Variants in SPTB observed in about 807,000 individuals in gnomAD.
SPTB encodes the protein spectrin beta chain, erythrocytic.
Under a neutral mutation model 256.2 loss-of-function variants are expected in SPTB, and 45 were observed. That is an observed-to-expected ratio of 0.18 (90% confidence interval 0.14 to 0.23). The LOEUF is 0.23. Ranked by LOEUF, SPTB falls within the 10% of genes least tolerant of loss-of-function variation. The pLI is 1.00. For missense variants in SPTB, 2,715 were observed against 3,040.4 expected, an observed-to-expected ratio of 0.89 and a Z score of 2.52; for synonymous variants, 1,231 against 1,243.1, an observed-to-expected ratio of 0.99 and a Z score of 0.21.
At position 64,747,018 on chromosome 14, in the gene SPTB, G is replaced by A. The variant is rs1244993616; in HGVS notation, c.*2288C>T. 6.5e-6 allele frequency: 1 copy of A among 152,802 alleles called. No homozygotes were observed. The highest frequency in any genetic ancestry group is 1.9e-4 in the East Asian group (1 of 5,192). The allele number at this position is 152,802 out of a possible 1,614,324, so 9.5% of individuals were successfully genotyped here. On this transcript the variant is annotated 3_prime_UTR_variant, in exon 36 of 36. Transcript: ENST00000644917. ...TGGTCGAATGTCTTGGAGCCTGGGT[G>A]ACAGGAGGGATGTGTGGGGAGCTGG...
In SPTB at chr14:64,779,378, G is replaced by A; in HGVS notation, c.4474-132C>T. On this transcript the variant is annotated intron_variant, in intron 21 of 35. Transcript: ENST00000644917. The surrounding 1 kb of genome is among the most constrained non-coding windows in gnomAD (Gnocchi z 4.2). ...CCTCCCAACACCCCATCAGGGTTTT[G>A]CCCCCATTTTATAGGTTAGAATATT... The A allele has an allele frequency of 1.3e-6, 1 of 797,178 alleles. No homozygotes were observed. Among genetic ancestry groups the A allele is most frequent in the East Asian group, 2.7e-5 (1 of 37,310 alleles). 49.4% of individuals were successfully genotyped at this position (797,178 alleles called of 1,614,324 possible). A position where few individuals can be genotyped will look rare whatever the true frequency, so the allele number is the denominator to read the frequency against.
intron 1 of SPTB, among the ~76,000 whole-genome samples, chr14:64,862,117 C>T (rs575148263): frequency 8.5e-5 from 13 of 152,336 alleles, no homozygotes; most frequent in South Asian, 2.1e-4. Flanking sequence ...CCACAGAACA[C>T]GCTGCAGCTG....
In SPTB at chr14:64,826,715, T is replaced by A. The variant is rs1223488888; in HGVS notation, c.-51-3570A>T. On this transcript the variant is annotated intron_variant, in intron 1 of 35. Transcript: ENST00000644917. The surrounding 1 kb of genome is among the most constrained non-coding windows in gnomAD (Gnocchi z 4.4). ...TGACCCTCGTCAAAGTGTAGGTGGG[T>A]CTTCTCTGGTCTCCGTGACTCTGTG... 6.6e-6 allele frequency among the ~76,000 whole-genome samples: 1 copy of A among 152,066 alleles called. No homozygotes were observed. Among genetic ancestry groups the A allele is most frequent in the Non-Finnish European group, 1.5e-5 (1 of 68,018 alleles).
chr14:64,785,957 G>A lies in SPTB; in HGVS notation c.3562-6C>T, dbSNP rs757179979. ...AAGTGAGCCAGAGTGTATTCCTGTT[G>A]GAACAAGTTTCCAGACAAGGCATGA... On this transcript the variant is annotated splice_polypyrimidine_tract_variant and splice_region_variant and intron_variant, in intron 16 of 35. Transcript: ENST00000644917. The surrounding 1 kb of genome is among the most constrained non-coding windows in gnomAD (Gnocchi z 4.4). 1.2e-6 allele frequency: 2 copies of A among 1,613,920 alleles called. No homozygotes were observed. Among genetic ancestry groups the A allele is most frequent in the South Asian group, 2.2e-5 (2 of 91,030 alleles).
chr14:64,850,281 C>T (rs1262605728), intron 1 of SPTB, among the ~76,000 whole-genome samples: 1 of 152,150 alleles, frequency 6.6e-6, no homozygotes, highest in African/African-American at 2.4e-5. Context: ...AATGAGTGGC[C>T]TCCAAAGGAG....
chr14:64,860,034 T>C (rs111742322), intron 1 of SPTB, among the ~76,000 whole-genome samples: 13 of 152,218 alleles, frequency 8.5e-5, no homozygotes, highest in African/African-American at 3.1e-4. Context: ...ATAAAATACT[T>C]TTCCCCCCTA....
chr14:64,800,580 A>G (rs1013920249), intron 8 of SPTB, among the ~76,000 whole-genome samples, 176 bp downstream of exon 8: 3 of 152,220 alleles, frequency 2.0e-5, no homozygotes, highest in Admixed American at 6.5e-5. Context: ...ACAGACCATC[A>G]ACCTGCTTTG....
intron 32 of SPTB, among the ~76,000 whole-genome samples, chr14:64,765,763 G>A (rs1346600301): frequency 6.6e-6 from 1 of 151,712 alleles, no homozygotes; most frequent in Non-Finnish European, 1.5e-5. Flanking sequence ...CACTGAAGAT[G>A]CCTGTGGTGG....
chr14:64,850,232 T>A (rs1187025376), intron 1 of SPTB, among the ~76,000 whole-genome samples: 2 of 152,142 alleles, frequency 1.3e-5, no homozygotes. Context: ...ACTCAGTGCA[T>A]CACCATTGGG....
rs1211047004 is a variant in SPTB at position 64,811,625 on chromosome 14, A to AC, written c.149-6536dup. 3.3e-5 allele frequency among the ~76,000 whole-genome samples: 5 copies of AC among 152,318 alleles called. No homozygotes were observed. The South Asian group carries it at 1.0e-3, about 32-fold the overall frequency. ...TTTAATTTACTTTAACAATGCTTCA[A>AC]CCCCCAACATAGATCAGCAAATATA... is the stretch of plus-strand genomic sequence containing the variant. On this transcript the variant is annotated intron_variant, in intron 2 of 35. Transcript: ENST00000644917.
rs938327375 is a variant in SPTB, at chr14:64,764,899, C to A, written c.6345+1827G>T. Among the ~76,000 whole-genome samples the A allele has an allele frequency of 6.6e-6, 1 of 152,064 alleles. No homozygotes were observed. The highest frequency in any genetic ancestry group is 1.5e-5 in the Non-Finnish European group (1 of 68,004). On this transcript the variant is annotated intron_variant, in intron 32 of 35. Transcript: ENST00000644917. This position sits in a 1 kb window ranked among gnomAD's most constrained non-coding sequence, Gnocchi z 4.2. ...ACCCCACATGCGATGACGGGAGCTTCGGAGGGAACTTCTGGGAGAGACCCT... is the reference window on the plus strand; with the variant it reads ...ACCCCACATGCGATGACGGGAGCTTAGGAGGGAACTTCTGGGAGAGACCCT...
Position 64,769,843 on chromosome 14 carries a change from T to A in SPTB, c.5799-115A>T, listed in dbSNP as rs535805369. The A allele has an allele frequency of 2.0e-5, 29 of 1,436,870 alleles. No individual in the cohort carries two copies. The Middle Eastern group carries it at 2.1e-3, about 102-fold the overall frequency. 89.0% of individuals were successfully genotyped at this position (1,436,870 alleles called of 1,614,324 possible). ...CCTGTGGGAGTGTGACCGTGCTCCC[T>A]CCTCTCTCTCTGGCCAGCCAGGGGG... is the stretch of plus-strand genomic sequence containing the variant. On this transcript the variant is annotated intron_variant, in intron 27 of 35. Transcript: ENST00000644917.
In SPTB at chr14:64,841,104, C is replaced by A. The variant is rs1158768915; in HGVS notation, c.-51-17959G>T. ...TATTTATTGAGAGTTTACCTTGTGC[C>A]TGGCATTGGATTTTGTAAACCCCAT... is the stretch of plus-strand genomic sequence containing the variant. On this transcript the variant is annotated intron_variant, in intron 1 of 35. Coordinates refer to ENST00000644917, the MANE Select transcript of SPTB (RefSeq NM_001355436.2). The surrounding 1 kb of genome is among the most constrained non-coding windows in gnomAD (Gnocchi z 4.6). 6.6e-6 allele frequency among the ~76,000 whole-genome samples: 1 copy of A among 152,164 alleles called. No individual in the cohort carries two copies. Among genetic ancestry groups the A allele is most frequent in the Non-Finnish European group, 1.5e-5 (1 of 68,034 alleles).
At position 64,779,127 on chromosome 14, in the gene SPTB, G is replaced by A; in HGVS notation, c.4563+30C>T. On this transcript the variant is annotated intron_variant, in intron 22 of 35. Coordinates refer to ENST00000644917, the MANE Select transcript of SPTB (RefSeq NM_001355436.2). This position sits in a 1 kb window ranked among gnomAD's most constrained non-coding sequence, Gnocchi z 4.2. ...GCCAGGTGGGGGTGAGGAGGGGTGGGTGGGGCTGGTGAGGTGACGCAGGAC... is the reference window on the plus strand; with the variant it reads ...GCCAGGTGGGGGTGAGGAGGGGTGGATGGGGCTGGTGAGGTGACGCAGGAC... 1.3e-6 allele frequency: 2 copies of A among 1,592,278 alleles called. No individual in the cohort carries two copies. The highest frequency in any genetic ancestry group is 1.1e-5 in the South Asian group (1 of 89,734).
In SPTB at chr14:64,760,842, C is replaced by T. The variant is rs2082083320; in HGVS notation, c.6345+5884G>A. On this transcript the variant is annotated intron_variant, in intron 32 of 35. Coordinates refer to ENST00000644917, the MANE Select transcript of SPTB (RefSeq NM_001355436.2). This position sits in a 1 kb window ranked among gnomAD's most constrained non-coding sequence, Gnocchi z 4.3. ...AGAATGAGTGACCTGTCCATAGTCACACATTAGTGAGGAATGTTGAGGTCG... is the reference window on the plus strand; with the variant it reads ...AGAATGAGTGACCTGTCCATAGTCATACATTAGTGAGGAATGTTGAGGTCG... Among the ~76,000 whole-genome samples, 1 of 152,174 alleles carries T rather than the reference C, an allele frequency of 6.6e-6. No homozygotes were observed. The highest frequency in any genetic ancestry group is 1.5e-5 in the Non-Finnish European group (1 of 68,038).
At chr14:64,834,526 A>T (rs2139735050) in intron 1 of SPTB, among the ~76,000 whole-genome samples, 3 of 152,038 alleles carry the variant, frequency 2.0e-5, no homozygotes. Context: ...CCCAGGCTAA[A>T]ACAGTTCTCC....
At chr14:64,750,341 G>T in intron 33 of SPTB, 187 bp from the exon 34 acceptor site, 7 of 666,046 alleles carry the variant, frequency 1.1e-5, no homozygotes, top group South Asian at 5.1e-5. Flanking sequence ...AACATTTTAT[G>T]TATTCCTTCT....
At chr14:64,751,799 G>T (rs1368550999) in intron 33 of SPTB, among the ~76,000 whole-genome samples, 1 of 151,714 alleles carries the variant, frequency 6.6e-6, no homozygotes, top group African/African-American at 2.4e-5. Context: ...TAGGGCTCAT[G>T]TCGGCCGGGC....
intron 18 of SPTB, among the ~76,000 whole-genome samples, chr14:64,784,998 G>T (rs902581338): frequency 3.9e-5 from 6 of 152,174 alleles, no homozygotes; most frequent in African/African-American, 7.2e-5. Flanking sequence ...TTTCCAACTG[G>T]CAGGTTTGTT....
Sources: allele counts gnomAD v4.1 joint callset (sites outside exome capture counted in the v4.1 genomes callset), GRCh38; gene constraint gnomAD v4.1.1; non-coding constraint Gnocchi (gnomAD v3.1); transcripts MANE v1.5; gene names NCBI Gene and HGNC (gene_info 2026-07-23, HGNC 2026-07-21).